Variants in ZNF528 observed in about 807,000 individuals in gnomAD.
ZNF528 encodes zinc finger protein 528.
Under a neutral mutation model 13.3 loss-of-function variants are expected in ZNF528, and 9 were observed. That is an observed-to-expected ratio of 0.67 (90% CI 0.41 to 1.18). ZNF528 has a LOEUF of 1.18. Ranked by LOEUF, ZNF528 falls within the 50% of genes most tolerant of loss-of-function variation. The probability of loss-of-function intolerance (pLI) is 0.01; values close to 1 mark genes in which losing one functional copy is unlikely to be tolerated. For missense variants in ZNF528, 858 were observed against 745.4 expected, an observed-to-expected ratio of 1.15 and a Z score of -1.76; for synonymous variants, 264 against 254.3, an observed-to-expected ratio of 1.04 and a Z score of -0.36.
chr19:52,406,871 C>T, intron 6 of ZNF528: 1 of 451,354 alleles, frequency 2.2e-6, no homozygotes. Flanking sequence ...GGGAAACTCT[C>T]TGCAAATGGG....
At chr19:52,400,689 GA>G (rs1383939237) in intron 2 of ZNF528, among the ~76,000 whole-genome samples, 1 of 150,926 alleles carries the variant, frequency 6.6e-6, no homozygotes, top group African/African-American at 2.4e-5. Context: ...GTGGCTGATT[GA>G]AAAAAAAATT....
chr19:52,414,236 C>T (rs1225691954), intron 6 of ZNF528: 5 of 702,470 alleles, frequency 7.1e-6, no homozygotes, highest in African/African-American at 1.7e-5. Flanking sequence ...TCTTTGTTCA[C>T]GTCCTCAAAG....
chr19:52,399,540 C>G (rs2058767038), intron 2 of ZNF528, among the ~76,000 whole-genome samples: 1 of 152,064 alleles, frequency 6.6e-6, no homozygotes, highest in Non-Finnish European at 1.5e-5. Context: ...TCCTGGGAGG[C>G]AGAGGTTGCA....
At chr19:52,410,241 T>C (rs562377239) in intron 6 of ZNF528, among the ~76,000 whole-genome samples, 4 of 152,062 alleles carry the variant, frequency 2.6e-5, no homozygotes, top group African/African-American at 4.8e-5. Context: ...ACAAAGACAA[T>C]AGAGTATATT....
intron 2 of ZNF528, among the ~76,000 whole-genome samples, 151 bp from the exon 3 acceptor site, chr19:52,401,534 C>T (rs558372485): frequency 1.2e-4 from 18 of 152,104 alleles, no homozygotes; most frequent in Non-Finnish European, 2.6e-4. Context: ...TGCCTCTGTT[C>T]TTCCCGCTCC....
At chr19:52,411,916 C>T (rs1169123918) in intron 6 of ZNF528, 1 of 152,196 alleles carries the variant, frequency 6.6e-6, no homozygotes, top group Admixed American at 6.5e-5. Flanking sequence ...ACCATCCAGA[C>T]CAAGACAAGG....
rs1016226722 is a variant in ZNF528, at chr19:52,417,597, T to A, written c.*858T>A. On this transcript the variant is annotated 3_prime_UTR_variant, in exon 7 of 7. Transcript: ENST00000360465. Reference sequence around the variant, plus strand: ...CCATTGAACAGCAGTACCTGCTGTTTAGCAAAGACTGATGAGAAGTAGACT... The same window carrying A: ...CCATTGAACAGCAGTACCTGCTGTTAAGCAAAGACTGATGAGAAGTAGACT... 1 of 152,498 alleles carries A rather than the reference T, an allele frequency of 6.6e-6. No homozygotes were observed. Among genetic ancestry groups the A allele is most frequent in the Non-Finnish European group, 1.5e-5 (1 of 68,346 alleles). 9.4% of individuals were successfully genotyped at this position (152,498 alleles called of 1,614,324 possible).
chr19:52,416,185 G>A lies in ZNF528; in HGVS notation c.1333G>A (p.Ala445Thr). The change falls in exon 7 of 7, where the codon GCG (alanine) becomes ACG (threonine). Residue 445 changes from alanine to threonine, a missense_variant. Transcript: ENST00000360465. ...KPYKCNKCGTAFREFSDLTAH... is the reference protein window; with the variant it reads ...KPYKCNKCGTTFREFSDLTAH... ...TTACAAATGTAATAAATGTGGCACA[G>A]CGTTTAGAGAGTTTTCAGACCTTAC... 1.9e-6 allele frequency: 3 copies of A among 1,613,944 alleles called. No individual in the cohort carries two copies. The highest frequency in any genetic ancestry group is 2.5e-6 in the Non-Finnish European group (3 of 1,179,958).
At chr19:52,402,738 T>C (rs2058810025) in intron 4 of ZNF528, among the ~76,000 whole-genome samples, 1 of 152,204 alleles carries the variant, frequency 6.6e-6, no homozygotes, top group Non-Finnish European at 1.5e-5. Flanking sequence ...GGTGCTGAGG[T>C]ATTTTCTTTG....
At chr19:52,398,858 A>G (rs2058759026) in intron 2 of ZNF528, among the ~76,000 whole-genome samples, 1 of 152,048 alleles carries the variant, frequency 6.6e-6, no homozygotes, top group Non-Finnish European at 1.5e-5. Context: ...AACAGGGAGA[A>G]CCACAGCAGG....
At chr19:52,414,744 C>G in intron 6 of ZNF528, 1 of 394,842 alleles carries the variant, frequency 2.5e-6, no homozygotes, top group South Asian at 2.1e-5. Flanking sequence ...TGTGGGAACA[C>G]TCAGTCCTTT....
rs905438098 is a variant in ZNF528, at chr19:52,417,621, CTTTT to C, written c.*891_*894del. 6.8e-6 allele frequency: 1 copy of C among 146,172 alleles called. No individual in the cohort carries two copies. The highest frequency in any genetic ancestry group is 2.5e-5 in the African/African-American group (1 of 39,934). The allele number at this position is 146,172 out of a possible 1,614,324, so 9.1% of individuals were successfully genotyped here. On this transcript the variant is annotated 3_prime_UTR_variant, in exon 7 of 7. Transcript: ENST00000360465. ...TTAGCAAAGACTGATGAGAAGTAGA[CTTTT>C]TTTTTTTTGGAGATAGAGTCTCACT...
At chr19:52,411,527 C>G (rs2058930952) in intron 6 of ZNF528, 1 of 152,158 alleles carries the variant, frequency 6.6e-6, no homozygotes, top group African/African-American at 2.4e-5. Context: ...TAACTCACTT[C>G]TCTATATGTC....
In ZNF528 at chr19:52,406,621, G is replaced by A; in HGVS notation, c.249G>A (p.Glu83=). The change falls in exon 6 of 7, where the codon GAG becomes GAA. Residue 83 remains glutamate, a synonymous_variant. Transcript: ENST00000360465. ...EKIANDPDGR[E]CIKGVNTERS... is the part of the protein sequence containing the mutation. The stretch of plus-strand genomic sequence containing the variant: ...TAGCAAACGATCCAGACGGCAGGGA[G>A]TGCATCAAAGGTGTGAACACAGGTG... 1 of 1,613,838 alleles carries A rather than the reference G, an allele frequency of 6.2e-7. No individual in the cohort carries two copies. Among genetic ancestry groups the A allele is most frequent in the South Asian group, 1.1e-5 (1 of 90,984 alleles).
At position 52,414,952 on chromosome 19, in the gene ZNF528, C is replaced by T. The variant is rs1418329094; in HGVS notation, c.272-172C>T. ...CGACTCCTGCAGATTCCCCACTGCT[C>T]CAATGCATCACCTCAGTTCCTTGTG... On this transcript the variant is annotated intron_variant, in intron 6 of 6. Transcript: ENST00000360465. 1.0e-5 allele frequency: 16 copies of T among 1,531,574 alleles called. No homozygotes were observed. The East Asian group carries it at 2.7e-4, about 26-fold the overall frequency. The allele number at this position is 1,531,574 out of a possible 1,614,324, so 94.9% of individuals were successfully genotyped here.
Position 52,416,541 on chromosome 19 carries a change from C to G in ZNF528, c.1689C>G (p.Gly563=). The change falls in exon 7 of 7, where the codon GGC becomes GGG. Residue 563 remains glycine, a synonymous_variant. Coordinates refer to ENST00000360465, the MANE Select transcript of ZNF528 (RefSeq NM_032423.3). The stretch of plus-strand genomic sequence containing the variant: ...GCAAAGCATTTCGAGGGTGTTCAGG[C>G]CTTACTGCCCATCTTGCAATCCATA... The part of the protein sequence containing the change: ...KCGKAFRGCS[G]LTAHLAIHTE... 6.2e-7 allele frequency: 1 copy of G among 1,614,166 alleles called. No homozygotes were observed. Among genetic ancestry groups the G allele is most frequent in the Non-Finnish European group, 8.5e-7 (1 of 1,180,020 alleles).
rs570674979 is a variant in ZNF528 at position 52,398,096 on chromosome 19, C to T, written c.-390+192C>T. 3.3e-5 allele frequency: 5 copies of T among 152,220 alleles called. No individual in the cohort carries two copies. The South Asian group carries it at 8.3e-4, about 25-fold the overall frequency. 9.4% of individuals were successfully genotyped at this position (152,220 alleles called of 1,614,324 possible). The stretch of plus-strand genomic sequence containing the variant: ...AATCGCTTGGAGGCTGGTCGTGTGC[C>T]CGGTCTTTTTGTCATTTACCCACGT... On this transcript the variant is annotated intron_variant, in intron 1 of 6. Coordinates refer to ENST00000360465, the MANE Select transcript of ZNF528 (RefSeq NM_032423.3).
Position 52,415,732 on chromosome 19 carries a change from G to A in ZNF528, c.880G>A (p.Glu294Lys). ...LAQHQRIHTG[E>K]KPYKCHECDK... The stretch of plus-strand genomic sequence containing the variant: ...ACAACATCAAAGAATTCATACTGGA[G>A]AGAAGCCTTACAAATGTCATGAATG... The change falls in exon 7 of 7, where the codon GAG (glutamate) becomes AAG (lysine). Residue 294 changes from glutamate (E) to lysine (K), a missense_variant. Glu to Lys is a moderately conservative substitution (Grantham distance 56). Coordinates refer to ENST00000360465, the MANE Select transcript of ZNF528 (RefSeq NM_032423.3). The A allele has an allele frequency of 6.2e-7, 1 of 1,614,128 alleles. No individual in the cohort carries two copies. The highest frequency in any genetic ancestry group is 8.5e-7 in the Non-Finnish European group (1 of 1,180,024).
intron 2 of ZNF528, among the ~76,000 whole-genome samples, chr19:52,399,581 G>T (rs1302828403): frequency 1.3e-5 from 2 of 152,122 alleles, no homozygotes; most frequent in African/African-American, 4.8e-5. Context: ...TGCACTCCAG[G>T]TTAGGTGACA....
Sources: gnomAD v4.1 joint callset for allele counts (sites outside exome capture counted in the v4.1 genomes callset) on GRCh38, gnomAD v4.1.1 for gene constraint, MANE v1.5 for transcripts, NCBI Gene and HGNC (gene_info 2026-07-23, HGNC 2026-07-21) for gene names.